Variants in DDOST observed in about 807,000 individuals in gnomAD.
The protein encoded by DDOST is dolichyl-diphosphooligosaccharide--protein glycosyltransferase non-catalytic subunit.
In DDOST, 25 loss-of-function variants were observed where a neutral mutation model predicts 47.6. That is an observed-to-expected ratio of 0.53 (90% CI 0.38 to 0.73). The LOEUF is 0.73. Among genes scored for constraint, DDOST ranks in the 30% least tolerant of loss-of-function variants. The pLI, the probability that DDOST is intolerant of heterozygous loss-of-function variation, is 0.00. For synonymous variants in DDOST, 275 were observed against 236.0 expected, an observed-to-expected ratio of 1.17 and a Z score of -1.51; for missense variants, 526 against 573.9, an observed-to-expected ratio of 0.92 and a Z score of 0.85.
rs553965079 is a variant in DDOST, at chr1:20,657,297, G to A, written c.266-1110C>T. Among the ~76,000 whole-genome samples the A allele has an allele frequency of 5.9e-5, 9 of 152,350 alleles. No homozygotes were observed. The South Asian group carries it at 1.2e-3, about 21-fold the overall frequency. On this transcript the variant is annotated intron_variant, in intron 2 of 10. Transcript: ENST00000602624. ...CTGCACCCCACACGAGGGACCTGCC[G>A]TGGGGAGCCGCTGGACGATTCTGAG... is the stretch of plus-strand genomic sequence containing the variant.
At chr1:20,654,469 C>A in intron 6 of DDOST, 98 bp from the exon 7 acceptor site, 1 of 1,433,480 alleles carries the variant, frequency 7.0e-7, no homozygotes, top group Non-Finnish European at 9.6e-7. Flanking sequence ...CCAAAACGAC[C>A]CTGGCCCTAC....
At chr1:20,652,824 G>A (rs2053310942) in intron 9 of DDOST, 27 bp downstream of exon 9, 4 of 1,613,940 alleles carry the variant, frequency 2.5e-6, no homozygotes, top group Non-Finnish European at 3.4e-6. Flanking sequence ...GTTTCTGGCA[G>A]CATCCTCGTG....
At position 20,656,762 on chromosome 1, in the gene DDOST, A is replaced by G. The variant is rs562449334; in HGVS notation, c.266-575T>C. On this transcript the variant is annotated intron_variant, in intron 2 of 10. Transcript: ENST00000602624. The stretch of plus-strand genomic sequence containing the variant: ...AGCTACCCAGTACACTGCTTTTTAA[A>G]AAGTGATCACCAAAAGGGCTCATTA... 2.0e-3 allele frequency among the ~76,000 whole-genome samples: 311 copies of G among 152,336 alleles called. 3 individuals carry two copies. Among genetic ancestry groups the G allele is most frequent in the Non-Finnish European group, 3.5e-3 (235 of 68,044 alleles).
rs748045981 is a variant in DDOST at position 20,661,309 on chromosome 1, C to G, written c.42G>C (p.Trp14Cys). The G allele has an allele frequency of 1.2e-6, 2 of 1,613,730 alleles. No individual in the cohort carries two copies. The highest frequency in any genetic ancestry group is 2.7e-5 in the African/African-American group (2 of 74,948). The change falls in exon 1 of 11, where the codon TGG (tryptophan) becomes TGC (cysteine). Residue 14 changes from tryptophan (W) to cysteine (C), a missense_variant. Trp to Cys is a radical substitution (Grantham distance 215). Transcript: ENST00000602624. ...CCGCGCCAAGCAAGGGCAGCAGCAA[C>G]CAAAAGAGGGCCCAAGCCCGGGCCG... The part of the protein sequence containing the change: ...STAARAWALF[W>C]LLLPLLGAVC...
chr1:20,659,229 G>A (rs758953113), intron 2 of DDOST, among the ~76,000 whole-genome samples: 1 of 151,162 alleles, frequency 6.6e-6, no homozygotes, highest in Non-Finnish European at 1.5e-5. Flanking sequence ...CAGGAGATAC[G>A]TAACATGGTA....
chr1:20,656,197 G>C lies in DDOST; in HGVS notation c.266-10C>G. 1.2e-6 allele frequency: 2 copies of C among 1,612,418 alleles called. No homozygotes were observed. The highest frequency in any genetic ancestry group is 2.2e-5 in the South Asian group (2 of 91,040). ...ATGTTGCCTCCAAAATCTGAAAGCA[G>C]GCACCAGACACAGTGACCCAGAGGT... is the stretch of plus-strand genomic sequence containing the variant. On this transcript the variant is annotated splice_polypyrimidine_tract_variant and intron_variant, in intron 2 of 10. Coordinates refer to ENST00000602624, the MANE Select transcript of DDOST (RefSeq NM_005216.5).
Position 20,652,940 on chromosome 1 carries a change from T to C in DDOST, c.974A>G (p.Asn325Ser). ...GCCATCAAAGGGGACCCATTTGCCA[T>C]TTGAGAGCTGCTGGATCACGATGCT... Reference protein sequence around the residue: ...EYSIVIQQLSNGKWVPFDGDD... With the variant: ...EYSIVIQQLSSGKWVPFDGDD... The change falls in exon 9 of 11, where the codon AAT becomes AGT. Residue 325 changes from asparagine to serine, a missense_variant. Physicochemically the swap from Asn to Ser is conservative, Grantham distance 46. Transcript: ENST00000602624. 2 of 1,614,178 alleles carry C rather than the reference T, an allele frequency of 1.2e-6. No homozygotes were observed. The highest frequency in any genetic ancestry group is 1.7e-6 in the Non-Finnish European group (2 of 1,180,028).
chr1:20,652,856 TTC>T lies in DDOST; in HGVS notation c.1056_1057del (p.Lys353GlufsTer21). ...CGTGCAGGAACTACACTCACCTTTCTTCTTCAGGAAGGTCCTCACAAAAGGAT... is the reference window on the plus strand; with the variant it reads ...CGTGCAGGAACTACACTCACCTTTCTTTCAGGAAGGTCCTCACAAAAGGAT... On this transcript the variant is annotated frameshift_variant, in exon 9 of 11. Transcript: ENST00000602624. LOFTEE classifies it high-confidence loss of function. 1 of 1,614,204 alleles carries T rather than the reference TTC, an allele frequency of 6.2e-7. No individual in the cohort carries two copies. The highest frequency in any genetic ancestry group is 8.5e-7 in the Non-Finnish European group (1 of 1,180,040).
chr1:20,655,177 T>G (rs59528471), intron 5 of DDOST, among the ~76,000 whole-genome samples: 2,440 of 147,626 alleles, frequency 0.017, 52 homozygotes, highest in African/African-American at 0.048. Flanking sequence ...TTTTGTTTTT[T>G]TTTTTTTTTT....
Position 20,651,800 on chromosome 1 carries a change from T to TA in DDOST, c.*578_*579insT, listed in dbSNP as rs2053287015. ...AGTTTGAGGGCAACATCTCGCTTTA[T>TA]TTTTATTTATTTATTTATTTATTTA... On this transcript the variant is annotated 3_prime_UTR_variant, in exon 11 of 11. Transcript: ENST00000602624. 8.5e-6 allele frequency: 1 copy of TA among 118,234 alleles called. No individual in the cohort carries two copies. Among genetic ancestry groups the TA allele is most frequent in the Non-Finnish European group, 1.7e-5 (1 of 57,424 alleles). The allele number at this position is 118,234 out of a possible 1,614,324, so 7.3% of individuals were successfully genotyped here. A position where few individuals can be genotyped will look rare whatever the true frequency, so the allele number is the denominator to read the frequency against.
At chr1:20,656,318 T>G in intron 2 of DDOST, 131 bp from the exon 3 acceptor site, 1 of 671,456 alleles carries the variant, frequency 1.5e-6, no homozygotes, top group Non-Finnish European at 2.6e-6. Context: ...GGGGCCACAA[T>G]GAGGGAGAGG....
rs2053338014 is a variant in DDOST, at chr1:20,654,229, G to A, written c.788C>T (p.Ser263Phe). Reference sequence around the variant, plus strand: ...TAAGCCTCCTGGCAGCTACCTCTGGGAGCCGGGCGCCGCCTTCTGCACTGC... The same window carrying A: ...TAAGCCTCCTGGCAGCTACCTCTGGAAGCCGGGCGCCGCCTTCTGCACTGC... ...NSAVQKAAPG[S>F]QRYSQTGNYE... Residue 263 changes from serine to phenylalanine, a missense_variant, in exon 7 of 11, where the codon TCC (serine) becomes TTC (phenylalanine). Transcript: ENST00000602624. 6.4e-7 allele frequency: 1 copy of A among 1,550,470 alleles called. No individual in the cohort carries two copies. Among genetic ancestry groups the A allele is most frequent in the Non-Finnish European group, 8.7e-7 (1 of 1,146,942 alleles).
chr1:20,652,195 G>C lies in DDOST; in HGVS notation c.*184C>G. 1.8e-6 allele frequency: 1 copy of C among 568,506 alleles called. No individual in the cohort carries two copies. The highest frequency in any genetic ancestry group is 3.3e-5 in the South Asian group (1 of 30,640). The allele number at this position is 568,506 out of a possible 1,614,324, so 35.2% of individuals were successfully genotyped here. ...ATGCCACTTTTAGCAATTCAAAGTG[G>C]AAAAACTTCTTTTATATAAAAATTA... On this transcript the variant is annotated 3_prime_UTR_variant, in exon 11 of 11. Coordinates refer to ENST00000602624, the MANE Select transcript of DDOST (RefSeq NM_005216.5).
At chr1:20,655,181 T>TG (rs2053357232) in intron 5 of DDOST, among the ~76,000 whole-genome samples, 1 of 149,226 alleles carries the variant, frequency 6.7e-6, no homozygotes, top group Non-Finnish European at 1.5e-5. Flanking sequence ...GTTTTTTTTT[T>TG]TTTTTTTTTT....
Position 20,661,182 on chromosome 1 carries a change from G to C in DDOST, c.154+15C>G. 6.2e-7 allele frequency: 1 copy of C among 1,612,084 alleles called. No individual in the cohort carries two copies. Among genetic ancestry groups the C allele is most frequent in the Non-Finnish European group, 8.5e-7 (1 of 1,179,104 alleles). On this transcript the variant is annotated intron_variant, in intron 1 of 10. Coordinates refer to ENST00000602624, the MANE Select transcript of DDOST (RefSeq NM_005216.5). ...CCAGGCCCCCACACGCTACCCCCTC[G>C]GACCCCGCTCTCACCCTTCAGGCTC...
intron 8 of DDOST, among the ~76,000 whole-genome samples, chr1:20,653,245 C>T (rs2053317704): frequency 6.6e-6 from 1 of 152,248 alleles, no homozygotes; most frequent in Admixed American, 6.5e-5. Flanking sequence ...GGACCCAAAC[C>T]ACCCTCCTGC....
At chr1:20,652,807 T>C (rs953262698) in intron 9 of DDOST, 44 bp downstream of exon 9, 3 of 1,565,248 alleles carry the variant, frequency 1.9e-6, no homozygotes, top group Middle Eastern at 1.7e-4. Context: ...AAGTGAGGCC[T>C]GGGGCCGTTT....
intron 2 of DDOST, among the ~76,000 whole-genome samples, chr1:20,659,350 T>C (rs565401876): frequency 2.6e-5 from 4 of 152,276 alleles, no homozygotes; most frequent in South Asian, 4.1e-4. Flanking sequence ...CCGAGCAGTC[T>C]CATTCACTGC....
In DDOST at chr1:20,655,790, C is replaced by G. The variant is rs202107268; in HGVS notation, c.353-11G>C. Reference sequence around the variant, plus strand: ...CTCGAAGAGGGTCACCTGCACAGACCGAAGAGACACCTAGCTGAGCCCTTA... The same window carrying G: ...CTCGAAGAGGGTCACCTGCACAGACGGAAGAGACACCTAGCTGAGCCCTTA... On this transcript the variant is annotated splice_polypyrimidine_tract_variant and intron_variant, in intron 3 of 10. Transcript: ENST00000602624. The G allele has an allele frequency of 3.5e-4, 564 of 1,611,322 alleles. 2 individuals are homozygous for G. In the African/African-American group the frequency reaches 6.5e-3, roughly 18 times the overall value.
Sources: allele counts gnomAD v4.1 joint callset (sites outside exome capture counted in the v4.1 genomes callset), GRCh38; gene constraint gnomAD v4.1.1; transcripts MANE v1.5; gene names NCBI Gene and HGNC (gene_info 2026-07-23, HGNC 2026-07-21).